Variants in PHF6 observed in about 807,000 individuals in gnomAD.
The protein encoded by PHF6 is PHD finger protein 6, also known as PHD-like zinc finger protein.
Under a neutral mutation model 34.0 loss-of-function variants are expected in PHF6, and 7 were observed. That is an observed-to-expected ratio of 0.21 (90% CI 0.12 to 0.39). The LOEUF is 0.39. Ranked by LOEUF, PHF6 falls within the 10% of genes least tolerant of loss-of-function variation. The pLI, the probability that PHF6 is intolerant of heterozygous loss-of-function variation, is 1.00. For synonymous variants in PHF6, 89 were observed against 88.4 expected (o/e 1.01, Z -0.04); for missense variants, 128 against 262.8 (o/e 0.49, Z 3.55).
intron 5 of PHF6, among the ~76,000 whole-genome samples, chrX:134,410,551 G>C (rs1412611618): frequency 9.0e-6 from 1 of 111,601 alleles, no homozygotes; most frequent in Non-Finnish European, 1.9e-5. Context: ...TCTTAATCTT[G>C]CATGAGCTTA....
intron 9 of PHF6, chrX:134,417,898 T>C (rs1171258146): frequency 8.9e-6 from 1 of 112,076 alleles, no homozygotes; most frequent in African/African-American, 3.3e-5. Flanking sequence ...ACTCTCCTCA[T>C]GAAGCTTACA....
intron 1 of PHF6, among the ~76,000 whole-genome samples, chrX:134,373,978 AT>A (rs1220929797): frequency 6.4e-5 from 7 of 109,990 alleles, no homozygotes; most frequent in Non-Finnish European, 1.1e-4. Context: ...GTAGGATGAT[AT>A]TTTCCTAGAT....
chrX:134,380,891 C>T lies in PHF6; in HGVS notation c.240+2785C>T, dbSNP rs187875600. On this transcript the variant is annotated intron_variant, in intron 3 of 10. Transcript: ENST00000370803. Reference sequence around the variant, plus strand: ...TTTGAGATGGAGTCTTGCTCTGTTGCCCAGGCTGGAGTGCAGTGGTGCGAT... The same window carrying T: ...TTTGAGATGGAGTCTTGCTCTGTTGTCCAGGCTGGAGTGCAGTGGTGCGAT... Among the ~76,000 whole-genome samples the T allele has an allele frequency of 6.4e-3, 719 of 112,090 alleles. 5 individuals are homozygous for T. Among genetic ancestry groups the T allele is most frequent in the African/African-American group, 0.022 (688 of 30,852 alleles).
rs191067570 is a variant in PHF6, at chrX:134,381,109, G to A, written c.240+3003G>A. Among the ~76,000 whole-genome samples, 11 of 111,112 alleles carry A rather than the reference G, an allele frequency of 9.9e-5. No homozygotes were observed. In the East Asian group the frequency reaches 2.8e-3, roughly 28 times the overall value. The stretch of plus-strand genomic sequence containing the variant: ...TCACTTGAGACCGTCTGTCCGCCTC[G>A]GCCTCCCAAAGTGCGGGGATTCCAG... On this transcript the variant is annotated intron_variant, in intron 3 of 10. Transcript: ENST00000370803.
intron 3 of PHF6, among the ~76,000 whole-genome samples, chrX:134,384,634 CTTCTTTCTTTCT>C (rs202210165): frequency 0.43 from 45,555 of 105,364 alleles, 8,221 homozygotes; most frequent in Middle Eastern, 0.58. Context: ...TCTGCCTTTT[CTTCTTTCTTTCT>C]TTCTTTCTTT....
chrX:134,404,668 G>A (rs1053976588), intron 5 of PHF6, among the ~76,000 whole-genome samples: 3 of 111,255 alleles, frequency 2.7e-5, no homozygotes, highest in Non-Finnish European at 3.8e-5. Flanking sequence ...CCATCAATGC[G>A]GCAAACTTCA....
chrX:134,415,421 T>A, intron 8 of PHF6: 1 of 368,311 alleles, frequency 2.7e-6, no homozygotes, highest in Admixed American at 5.2e-5. Flanking sequence ...TCATTAAGTT[T>A]AAAATGTTAC....
intron 5 of PHF6, among the ~76,000 whole-genome samples, chrX:134,412,757 G>A (rs1428159939): frequency 1.8e-5 from 2 of 112,182 alleles, no homozygotes; most frequent in African/African-American, 3.2e-5. Context: ...AAATTTCTGC[G>A]TAAGTTTTGC....
intron 3 of PHF6, among the ~76,000 whole-genome samples, chrX:134,390,793 CAT>C (rs964477251): frequency 3.4e-4 from 38 of 110,878 alleles, no homozygotes; most frequent in African/African-American, 1.2e-3. Flanking sequence ...ATGTTATAAA[CAT>C]AGTTGGGTTC....
At chrX:134,380,215 C>T (rs1292210091) in intron 3 of PHF6, among the ~76,000 whole-genome samples, 2 of 103,978 alleles carry the variant, frequency 1.9e-5, no homozygotes, top group Non-Finnish European at 2.0e-5. Flanking sequence ...GGCGTGATCT[C>T]GGCTCACTGC....
intron 5 of PHF6, among the ~76,000 whole-genome samples, chrX:134,404,810 C>T (rs1157963182): frequency 2.7e-5 from 3 of 112,042 alleles, no homozygotes; most frequent in East Asian, 2.8e-4. Flanking sequence ...CTGGAAAGCC[C>T]AGATGATTGT....
chrX:134,417,395 G>A lies in PHF6; in HGVS notation c.968+93G>A, dbSNP rs183460872. On this transcript the variant is annotated intron_variant, in intron 9 of 10. Coordinates refer to ENST00000370803, the MANE Select transcript of PHF6 (RefSeq NM_001015877.2). ...TTTACTCAGTCTCTGTTCTTAAATG[G>A]TGTTTAGTTAAGTATAGAATACTGA... 207 of 974,579 alleles carry A rather than the reference G, an allele frequency of 2.1e-4. No homozygotes were observed. In the East Asian group the frequency reaches 6.1e-3, roughly 29 times the overall value. 80.3% of individuals were successfully genotyped at this position (974,579 alleles called of 1,213,427 possible).
chrX:134,418,785 A>G (rs2077480760), intron 9 of PHF6: 1 of 111,316 alleles, frequency 9.0e-6, no homozygotes. Context: ...TGTGGTACCA[A>G]ACCTAACAAA....
chrX:134,376,365 T>C (rs1205528011), intron 1 of PHF6, among the ~76,000 whole-genome samples: 1 of 111,537 alleles, frequency 9.0e-6, no homozygotes, highest in Admixed American at 9.5e-5. Flanking sequence ...AAGACAAAAG[T>C]TTGAGATTTT....
chrX:134,414,041 C>A, intron 7 of PHF6, 75 bp downstream of exon 7: 3 of 1,089,294 alleles, frequency 2.8e-6, no homozygotes, highest in Non-Finnish European at 3.8e-6. Flanking sequence ...TGATCTAAAG[C>A]CCAAATGATT....
At chrX:134,414,498 C>T (rs745641354) in intron 7 of PHF6, among the ~76,000 whole-genome samples, 4 of 111,518 alleles carry the variant, frequency 3.6e-5, no homozygotes, top group African/African-American at 1.3e-4. Flanking sequence ...TATTGAATGA[C>T]TCATCCCATT....
chrX:134,375,826 A>G (rs1173585594), intron 1 of PHF6, among the ~76,000 whole-genome samples: 1 of 112,110 alleles, frequency 8.9e-6, no homozygotes, highest in African/African-American at 3.2e-5. Context: ...CCGAACACAG[A>G]TACTTGCCTG....
chrX:134,385,371 C>T (rs1168355730), intron 3 of PHF6, among the ~76,000 whole-genome samples: 5 of 112,071 alleles, frequency 4.5e-5, no homozygotes, highest in African/African-American at 1.6e-4. Flanking sequence ...TACACATGTG[C>T]AAGCCTTTTT....
chrX:134,401,855 A>AC (rs770064178), intron 5 of PHF6, among the ~76,000 whole-genome samples: 1 of 112,023 alleles, frequency 8.9e-6, no homozygotes, highest in South Asian at 3.7e-4. Flanking sequence ...AAATGATATA[A>AC]CTCAGTTTAT....
Sources: gnomAD v4.1 joint callset for allele counts (sites outside exome capture counted in the v4.1 genomes callset) on GRCh38, gnomAD v4.1.1 for gene constraint, MANE v1.5 for transcripts, NCBI Gene and HGNC (gene_info 2026-07-23, HGNC 2026-07-21) for gene names.